KAZN: variants seen among roughly 807,000 people sequenced by gnomAD.
KAZN encodes kazrin.
A neutral mutation model predicts 87.4 loss-of-function variants in KAZN; 40 were observed. That is an observed-to-expected ratio of 0.46 (90% CI 0.36 to 0.60). The LOEUF (loss-of-function observed/expected upper bound fraction) is 0.60, where lower values mean the gene tolerates loss of function less well. Ranked by LOEUF, KAZN falls within the 20% of genes least tolerant of loss-of-function variation. The pLI, the probability that KAZN is intolerant of heterozygous loss-of-function variation, is 0.00. For missense variants in KAZN, 898 were observed against 1,073.9 expected (o/e 0.84, Z 2.29); for synonymous variants, 466 against 458.3 (o/e 1.02, Z -0.22).
intron 2 of KAZN, among the ~76,000 whole-genome samples, chr1:14,300,386 C>G (rs1448726580): frequency 1.3e-5 from 2 of 152,094 alleles, no homozygotes; most frequent in Non-Finnish European, 2.9e-5. Flanking sequence ...TGCTCACTAC[C>G]ATGCCCTGCT....
At chr1:15,053,655 AC>A (rs1573200640) in intron 4 of KAZN, among the ~76,000 whole-genome samples, 1 of 152,202 alleles carries the variant, frequency 6.6e-6, no homozygotes. Flanking sequence ...AGGGTTTGGT[AC>A]CCAGGTTGGA....
intron 2 of KAZN, among the ~76,000 whole-genome samples, chr1:14,277,668 A>G (rs1340866594): frequency 1.4e-5 from 2 of 139,992 alleles, no homozygotes; most frequent in Admixed American, 6.8e-5. Context: ...TCTTGAAAAA[A>G]AAAAAAAAAG....
intron 2 of KAZN, among the ~76,000 whole-genome samples, chr1:14,366,522 C>T (rs552641188): frequency 3.3e-5 from 5 of 152,318 alleles, no homozygotes; most frequent in Admixed American, 1.3e-4. Context: ...CCAGCTGCTT[C>T]GGCGCCAGCA....
chr1:13,959,549 C>A (rs1346976820), intron 1 of KAZN, among the ~76,000 whole-genome samples: 1 of 152,164 alleles, frequency 6.6e-6, no homozygotes, highest in Non-Finnish European at 1.5e-5. Context: ...TCCCTCTGAT[C>A]CTATTGGAAC....
chr1:13,949,841 G>A (rs540101032), intron 1 of KAZN, among the ~76,000 whole-genome samples: 1 of 152,292 alleles, frequency 6.6e-6, no homozygotes. Flanking sequence ...AAAGGTAACG[G>A]GGAAGCTGCT....
At chr1:14,630,059 A>C (rs1439089069) in intron 1 of KAZN, among the ~76,000 whole-genome samples, 1 of 152,196 alleles carries the variant, frequency 6.6e-6, no homozygotes. Flanking sequence ...CATTGGGAAC[A>C]GAAACATCAT....
At chr1:14,543,146 G>A (rs772904654) in intron 2 of KAZN, among the ~76,000 whole-genome samples, 5 of 152,098 alleles carry the variant, frequency 3.3e-5, no homozygotes, top group Non-Finnish European at 7.4e-5. Flanking sequence ...TGGGCTATAT[G>A]ACCTGTGTCA....
At chr1:13,987,552 A>T (rs1639079446) in intron 1 of KAZN, among the ~76,000 whole-genome samples, 3 of 152,006 alleles carry the variant, frequency 2.0e-5, no homozygotes, top group Non-Finnish European at 2.9e-5. Context: ...TAGTGAACAA[A>T]TTTTTTTCTA....
Position 15,096,447 on chromosome 1 carries a change from G to T in KAZN, c.1547+1514G>T, listed in dbSNP as rs959389523. 3.9e-5 allele frequency among the ~76,000 whole-genome samples: 6 copies of T among 152,214 alleles called. No individual in the cohort carries two copies. Among genetic ancestry groups the T allele is most frequent in the African/African-American group, 1.2e-4 (5 of 41,464 alleles). ...CCCCACCGTCCTCTGCCTCCCAGGG[G>T]TGCGGCCTGCCCAGCCCCTGCCCCC... On this transcript the variant is annotated intron_variant, in intron 10 of 14. Transcript: ENST00000376030. This position sits in a 1 kb window ranked among gnomAD's most constrained non-coding sequence, Gnocchi z 4.5.
exon 1 of KAZN, chr1:13,893,377 C>G (rs934674710): frequency 3.4e-6 from 1 of 292,082 alleles, no homozygotes; most frequent in Non-Finnish European, 6.2e-6. Context: ...GCCACGACTC[C>G]TGGTTAGGGG....
chr1:14,514,329 A>AAAATATATATATAT lies in KAZN; in HGVS notation c.250-84653_250-84652insAATATATATATATA, dbSNP rs373748578. On this transcript the variant is annotated intron_variant, in intron 2 of 16. Transcript: ENST00000636203. ...GACAGAGCAAGACTCTGTCTCAAAAAATTTATATATATATTTATATATATT... is the reference window on the plus strand; with the variant it reads ...GACAGAGCAAGACTCTGTCTCAAAAAAAATATATATATATATTTATATATATATTTATATATATT... 4.3e-4 allele frequency among the ~76,000 whole-genome samples: 10 copies of AAAATATATATATAT among 23,504 alleles called. 1 individual carries two copies. The highest frequency in any genetic ancestry group is 8.4e-4 in the Non-Finnish European group (8 of 9,504). 15.4% of individuals were successfully genotyped at this position (23,504 alleles called of 152,430 possible). A position where few individuals can be genotyped will look rare whatever the true frequency, so the allele number is the denominator to read the frequency against.
Position 15,069,423 on chromosome 1 carries a change from C to A in KAZN, c.1222+3670C>A, listed in dbSNP as rs1003045934. The stretch of plus-strand genomic sequence containing the variant: ...GCGTCCTAGCTATCGTGCCTCTCAT[C>A]CTGGGACCTTCTCAAGAGCCAGGCC... On this transcript the variant is annotated intron_variant, in intron 8 of 14. Transcript: ENST00000376030. 2.1e-4 allele frequency among the ~76,000 whole-genome samples: 32 copies of A among 152,222 alleles called. 1 individual carries two copies. Among genetic ancestry groups the A allele is most frequent in the Non-Finnish European group, 1.5e-5 (1 of 68,030 alleles).
At chr1:14,430,097 G>A (rs1665960293) in intron 2 of KAZN, among the ~76,000 whole-genome samples, 2 of 151,284 alleles carry the variant, frequency 1.3e-5, no homozygotes, top group South Asian at 2.1e-4. Flanking sequence ...TCCCCCAAAC[G>A]ACCGCATGGC....
intron 2 of KAZN, among the ~76,000 whole-genome samples, chr1:14,299,448 A>G (rs981182225): frequency 2.0e-5 from 3 of 151,936 alleles, no homozygotes; most frequent in African/African-American, 4.8e-5. Context: ...GGTTGCAGTG[A>G]GCCGAGATCA....
At position 14,085,422 on chromosome 1, in the gene KAZN, A is replaced by T. The variant is rs1404245216; in HGVS notation, c.92-95013A>T. On this transcript the variant is annotated intron_variant, in intron 1 of 16. Coordinates refer to the KAZN transcript ENST00000636203. ...GCTTGCTTGTGTCCCTTTACAGCGG[A>T]TCCCTTCTCACCACCCCCTGACCAC... is the stretch of plus-strand genomic sequence containing the variant. Among the ~76,000 whole-genome samples, 3 of 152,262 alleles carry T rather than the reference A, an allele frequency of 2.0e-5. No individual in the cohort carries two copies. In the East Asian group the frequency reaches 5.8e-4, roughly 29 times the overall value.
intron 1 of KAZN, among the ~76,000 whole-genome samples, chr1:14,132,754 C>T (rs1645017914): frequency 1.3e-5 from 2 of 152,132 alleles, no homozygotes; most frequent in African/African-American, 4.8e-5. Flanking sequence ...CCATACATGA[C>T]AGCCCCTCAC....
intron 2 of KAZN, among the ~76,000 whole-genome samples, chr1:15,001,949 C>T (rs996175367): frequency 3.6e-5 from 5 of 139,904 alleles, no homozygotes; most frequent in Non-Finnish European, 7.5e-5. Flanking sequence ...GGCACGATCT[C>T]GGCTCACTGC....
intron 8 of KAZN, among the ~76,000 whole-genome samples, chr1:15,084,297 C>G (rs1440686927): frequency 2.6e-5 from 4 of 152,204 alleles, no homozygotes; most frequent in African/African-American, 9.7e-5. Flanking sequence ...ACAGGCCATG[C>G]ACAGCAGTGC....
intron 2 of KAZN, among the ~76,000 whole-genome samples, chr1:14,316,001 T>C (rs891398146): frequency 2.6e-5 from 4 of 152,020 alleles, no homozygotes; most frequent in African/African-American, 9.7e-5. Context: ...TTTTACCATT[T>C]CACATTCCCA....
Sources: allele counts gnomAD v4.1 joint callset (sites outside exome capture counted in the v4.1 genomes callset), GRCh38; gene constraint gnomAD v4.1.1; non-coding constraint Gnocchi (gnomAD v3.1); transcripts MANE v1.5; gene names NCBI Gene and HGNC (gene_info 2026-07-23, HGNC 2026-07-21).